Variants in ARHGEF12 observed in about 807,000 individuals in gnomAD.
ARHGEF12 encodes the protein Rho guanine nucleotide exchange factor 12.
Under a neutral mutation model 211.2 loss-of-function variants are expected in ARHGEF12, and 66 were observed. The observed-to-expected ratio is 0.31, with a 90% CI of 0.26 to 0.38. The LOEUF (loss-of-function observed/expected upper bound fraction) is 0.38, where lower values mean the gene tolerates loss of function less well. ARHGEF12 is among the 10% of genes least tolerant of loss of function. The probability of loss-of-function intolerance (pLI) is 1.00; values close to 1 mark genes in which losing one functional copy is unlikely to be tolerated. For synonymous variants in ARHGEF12, 592 were observed against 638.4 expected (o/e 0.93, Z 1.09); for missense variants, 1,429 against 1,869.5 (o/e 0.76, Z 4.34).
At position 120,467,165 on chromosome 11, in the gene ARHGEF12, C is replaced by G. The variant is rs371454629; in HGVS notation, c.2740-29C>G. On this transcript the variant is annotated intron_variant, in intron 28 of 40. Transcript: ENST00000397843. ...CATGTATAAGTTCAAATAAGAATTA[C>G]AGATTCACTTATTTCACTTTAATTT... The G allele has an allele frequency of 5.0e-5, 69 of 1,392,194 alleles. No homozygotes were observed. The Middle Eastern group carries it at 1.1e-3, about 22-fold the overall frequency. The allele number at this position is 1,392,194 out of a possible 1,614,324, so 86.2% of individuals were successfully genotyped here.
At chr11:120,387,136 T>C (rs969082532) in intron 1 of ARHGEF12, among the ~76,000 whole-genome samples, 7 of 152,046 alleles carry the variant, frequency 4.6e-5, no homozygotes, top group Non-Finnish European at 1.0e-4. Context: ...TGTAAGAGAT[T>C]TTCACATATG....
In ARHGEF12 at chr11:120,352,152, A is replaced by G. The variant is rs528241593; in HGVS notation, c.32+14877A>G. On this transcript the variant is annotated intron_variant, in intron 1 of 40. Transcript: ENST00000397843. ...GTACTCTTAATCACCTGTTTTCCCT[A>G]TTTTCTTTTCCAGATTTCTGACATG... Among the ~76,000 whole-genome samples, 42 of 151,928 alleles carry G rather than the reference A, an allele frequency of 2.8e-4. No individual in the cohort carries two copies. In the South Asian group the frequency reaches 8.3e-3, roughly 30 times the overall value.
intron 25 of ARHGEF12, 80 bp from the exon 26 acceptor site, chr11:120,459,094 T>C (rs1195780020): frequency 1.4e-5 from 16 of 1,144,886 alleles, no homozygotes; most frequent in Non-Finnish European, 1.9e-5. Flanking sequence ...CATTTGCTAC[T>C]TCACTCCAGC....
chr11:120,367,198 C>T (rs913514850), intron 1 of ARHGEF12, among the ~76,000 whole-genome samples: 1 of 151,904 alleles, frequency 6.6e-6, no homozygotes, highest in Non-Finnish European at 1.5e-5. Flanking sequence ...TTGTTTACAT[C>T]TCAGAATTGT....
intron 1 of ARHGEF12, among the ~76,000 whole-genome samples, chr11:120,384,966 A>G (rs1023512907): frequency 6.6e-6 from 1 of 151,200 alleles, no homozygotes; most frequent in Non-Finnish European, 1.5e-5. Context: ...ATTTTAAGGT[A>G]TTTGAGGGAC....
intron 4 of ARHGEF12, chr11:120,410,371 A>G (rs1161458024): frequency 6.6e-6 from 1 of 151,828 alleles, no homozygotes; most frequent in Admixed American, 6.6e-5. Flanking sequence ...TTTTAAAAAT[A>G]ATTTCTGAAA....
intron 1 of ARHGEF12, among the ~76,000 whole-genome samples, chr11:120,339,774 C>T (rs749439884): frequency 5.9e-5 from 9 of 152,112 alleles, no homozygotes; most frequent in Non-Finnish European, 1.0e-4. Context: ...GTGTTAGGGA[C>T]GTGCTGGGGC....
chr11:120,410,271 C>T (rs1944840239), intron 4 of ARHGEF12: 1 of 143,508 alleles, frequency 7.0e-6, no homozygotes, highest in African/African-American at 2.6e-5. Flanking sequence ...CTTTTGGAGT[C>T]TGATTAGGGT....
At chr11:120,435,718 G>A (rs538884708) in intron 11 of ARHGEF12, among the ~76,000 whole-genome samples, 10 of 151,482 alleles carry the variant, frequency 6.6e-5, no homozygotes, top group African/African-American at 1.7e-4. Flanking sequence ...GGGTTTCACC[G>A]TGTTAGCCAG....
intron 11 of ARHGEF12, among the ~76,000 whole-genome samples, chr11:120,434,052 T>G (rs1453721701): frequency 3.3e-5 from 5 of 152,158 alleles, no homozygotes; most frequent in African/African-American, 1.2e-4. Context: ...TACTTAGTAT[T>G]TGAATACATG....
At chr11:120,463,167 G>A (rs1317589356) in intron 27 of ARHGEF12, 1 of 152,198 alleles carries the variant, frequency 6.6e-6, no homozygotes, top group Non-Finnish European at 1.5e-5. Context: ...TTCAATTTTT[G>A]ATGGTTTTAT....
rs528014894 is a variant in ARHGEF12 at position 120,477,449 on chromosome 11, G to T, written c.3455G>T (p.Gly1152Val). The T allele has an allele frequency of 6.3e-7, 1 of 1,594,898 alleles. No individual in the cohort carries two copies. ...TTTTTTTTTTTTTTTCTCTACAGAG[G>T]AGATAATGATGAAGAAGATCCTTCA... ...IPLPQSTPGE[G>V]DNDEEDPSKL... The change falls in exon 36 of 41, where the codon GGA becomes GTA. Residue 1152 changes from glycine to valine, a missense_variant and splice_region_variant. Gly to Val is a moderately radical substitution (Grantham distance 109). Around this residue, in one of 7 missense-constraint regions of ARHGEF12, gnomAD observed 223 missense variants for 444.6 expected, o/e 0.50. Coordinates refer to ENST00000397843, the MANE Select transcript of ARHGEF12 (RefSeq NM_015313.3).
intron 39 of ARHGEF12, among the ~76,000 whole-genome samples, chr11:120,483,061 T>G (rs1372954032): frequency 1.3e-5 from 2 of 152,176 alleles, no homozygotes; most frequent in Non-Finnish European, 1.5e-5. Context: ...TCATTAGGCA[T>G]TTTTATCTTT....
At chr11:120,371,719 A>C (rs756373854) in intron 1 of ARHGEF12, among the ~76,000 whole-genome samples, 1 of 152,190 alleles carries the variant, frequency 6.6e-6, no homozygotes, top group Non-Finnish European at 1.5e-5. Context: ...CAGCCATTGT[A>C]ATTAAGCCTC....
At chr11:120,402,078 T>A (rs1163604700) in intron 1 of ARHGEF12, among the ~76,000 whole-genome samples, 2 of 152,204 alleles carry the variant, frequency 1.3e-5, no homozygotes, top group Non-Finnish European at 2.9e-5. Context: ...TTAGAGGAGA[T>A]GCTTAAAGAG....
chr11:120,440,841 G>T (rs1019146316), intron 13 of ARHGEF12, among the ~76,000 whole-genome samples: 16 of 152,016 alleles, frequency 1.1e-4, no homozygotes, highest in African/African-American at 3.9e-4. Context: ...ATTTTTTAGA[G>T]GCTCTTTATA....
chr11:120,441,634 G>T, intron 13 of ARHGEF12, 73 bp from the exon 14 acceptor site: 1 of 1,214,806 alleles, frequency 8.2e-7, no homozygotes, highest in East Asian at 2.4e-5. Flanking sequence ...GGATAGCTAT[G>T]TTCAATTGAG....
At chr11:120,482,509 G>C (rs907845397) in intron 39 of ARHGEF12, among the ~76,000 whole-genome samples, 1 of 152,134 alleles carries the variant, frequency 6.6e-6, no homozygotes, top group African/African-American at 2.4e-5. Flanking sequence ...CACTTTGGGA[G>C]GCAAGGCAGG....
rs145735518 is a variant in ARHGEF12 at position 120,351,763 on chromosome 11, G to A, written c.32+14488G>A. Reference sequence around the variant, plus strand: ...TGGGATTCCAGGCATGAGCCACTGCGCCCGGCCGGATGTTACATTTATTGA... The same window carrying A: ...TGGGATTCCAGGCATGAGCCACTGCACCCGGCCGGATGTTACATTTATTGA... On this transcript the variant is annotated intron_variant, in intron 1 of 40. Coordinates refer to ENST00000397843, the MANE Select transcript of ARHGEF12 (RefSeq NM_015313.3). 6.3e-4 allele frequency among the ~76,000 whole-genome samples: 96 copies of A among 152,042 alleles called. 2 individuals are homozygous for A. The highest frequency in any genetic ancestry group is 3.4e-3 in the Middle Eastern group (1 of 294).
Sources: allele counts gnomAD v4.1 joint callset (sites outside exome capture counted in the v4.1 genomes callset), GRCh38; gene constraint gnomAD v4.1.1; regional missense constraint gnomAD v4.1.1; transcripts MANE v1.5; gene names NCBI Gene and HGNC (gene_info 2026-07-23, HGNC 2026-07-21).